The following PCDH7 variants were observed in gnomAD, a reference collection of about 807,000 sequenced individuals.
PCDH7 encodes the protein protocadherin-7.
PCDH7 carries 17 observed loss-of-function variants against 58.9 expected under a neutral mutation model. The observed-to-expected ratio is 0.29, with a 90% CI of 0.20 to 0.43. The LOEUF is 0.43. Among genes scored for constraint, PCDH7 ranks in the 20% least tolerant of loss-of-function variants. PCDH7 has a pLI of 1.00. For missense variants in PCDH7, 1,274 were observed against 1,441.0 expected (o/e 0.88, Z 1.88); for synonymous variants, 664 against 616.4 (o/e 1.08, Z -1.14).
intron 1 of PCDH7, among the ~76,000 whole-genome samples, chr4:30,888,308 T>C (rs1738131626): frequency 6.6e-6 from 1 of 151,958 alleles, no homozygotes; most frequent in Non-Finnish European, 1.5e-5. Flanking sequence ...ACACACAGAA[T>C]CTGATAAGCC....
At chr4:30,908,242 A>G (rs1382117543) in intron 1 of PCDH7, among the ~76,000 whole-genome samples, 1 of 96,334 alleles carries the variant, frequency 1.0e-5, no homozygotes, top group Non-Finnish European at 2.0e-5. Flanking sequence ...TTAAAGAATA[A>G]TAAAAAAAAA....
At chr4:30,916,140 G>C (rs897978694) in intron 1 of PCDH7, among the ~76,000 whole-genome samples, 1 of 152,200 alleles carries the variant, frequency 6.6e-6, no homozygotes, top group African/African-American at 2.4e-5. Context: ...TGGAGGTCTA[G>C]TGAATTAATG....
chr4:31,097,927 GA>G (rs1714367416), intron 3 of PCDH7, among the ~76,000 whole-genome samples: 1 of 151,866 alleles, frequency 6.6e-6, no homozygotes, highest in Non-Finnish European at 1.5e-5. Context: ...CCTTTCTAAG[GA>G]AATATTTACA....
intron 1 of PCDH7, among the ~76,000 whole-genome samples, chr4:30,844,905 CA>C (rs1209197192): frequency 3.3e-5 from 5 of 152,058 alleles, no homozygotes; most frequent in Admixed American, 2.6e-4. Context: ...AGCAATACAC[CA>C]GAAGTCTTTG....
intron 1 of PCDH7, among the ~76,000 whole-genome samples, chr4:30,888,254 C>G (rs1560470151): frequency 6.6e-6 from 1 of 151,462 alleles, no homozygotes; most frequent in East Asian, 1.9e-4. Context: ...ACTTTAGGCA[C>G]TTTCTATGAA....
At chr4:30,724,505 A>C in exon 1 of PCDH7, 5 of 1,614,170 alleles carry the variant, frequency 3.1e-6, no homozygotes, top group Non-Finnish European at 4.2e-6. Context: ...CCACCAGCCA[A>C]CACATTTGTG....
intron 1 of PCDH7, among the ~76,000 whole-genome samples, chr4:30,863,847 G>A (rs1203666571): frequency 6.6e-6 from 1 of 152,016 alleles, no homozygotes; most frequent in Non-Finnish European, 1.5e-5. Context: ...TGTGTATTCT[G>A]TGCAGAAATA....
intron 1 of PCDH7, among the ~76,000 whole-genome samples, chr4:30,778,906 A>G (rs1320718315): frequency 2.0e-5 from 3 of 149,212 alleles, no homozygotes; most frequent in African/African-American, 7.4e-5. Flanking sequence ...CTGCAATGTT[A>G]TATTGAACAT....
At chr4:31,074,901 T>C (rs1445739623) in intron 3 of PCDH7, among the ~76,000 whole-genome samples, 1 of 151,030 alleles carries the variant, frequency 6.6e-6, no homozygotes, top group African/African-American at 2.4e-5. Flanking sequence ...GGAAAATTAA[T>C]AGGAATTAGG....
chr4:30,965,933 T>C lies in PCDH7; in HGVS notation c.*7+15718T>C, dbSNP rs61792868. On this transcript the variant is annotated intron_variant, in intron 3 of 3. Transcript: ENST00000509759. ...TATCCGGACAGGATGGCCATTTTCA[T>C]CTAAAAGTATTTCTGCAGAGTGAAA... Among the ~76,000 whole-genome samples, 1,504 of 152,280 alleles carry C rather than the reference T, an allele frequency of 9.9e-3. 18 individuals are homozygous for C. Among genetic ancestry groups the C allele is most frequent in the Non-Finnish European group, 0.014 (952 of 67,986 alleles).
intron 1 of PCDH7, among the ~76,000 whole-genome samples, chr4:30,765,523 A>C (rs1720632407): frequency 6.6e-6 from 1 of 152,114 alleles, no homozygotes; most frequent in Admixed American, 6.6e-5. Context: ...TTGCACTTTC[A>C]TGGGGTTCTA....
intron 3 of PCDH7, among the ~76,000 whole-genome samples, chr4:30,982,638 T>C (rs145837352): frequency 1.3e-5 from 2 of 152,326 alleles, no homozygotes; most frequent in Admixed American, 6.5e-5. Flanking sequence ...TAACCCATTG[T>C]GTAATACATA....
At chr4:31,077,223 C>T (rs994815737) in intron 3 of PCDH7, among the ~76,000 whole-genome samples, 1 of 151,778 alleles carries the variant, frequency 6.6e-6, no homozygotes, top group Non-Finnish European at 1.5e-5. Context: ...CCAGCCTGAC[C>T]AACATGGAGA....
At chr4:31,027,712 C>T (rs953397856) in intron 3 of PCDH7, among the ~76,000 whole-genome samples, 1 of 152,136 alleles carries the variant, frequency 6.6e-6, no homozygotes, top group South Asian at 2.1e-4. Context: ...TGAGCTACTG[C>T]ACCCAGCCTG....
chr4:30,767,319 A>T (rs147740031), intron 1 of PCDH7, among the ~76,000 whole-genome samples: 58 of 152,312 alleles, frequency 3.8e-4, no homozygotes, highest in Non-Finnish European at 5.1e-4. Flanking sequence ...TTAATCTATG[A>T]TCTAATCGGA....
chr4:30,801,928 G>A (rs1725573524), intron 1 of PCDH7, among the ~76,000 whole-genome samples: 1 of 152,152 alleles, frequency 6.6e-6, no homozygotes, highest in South Asian at 2.1e-4. Flanking sequence ...TGTCCTGTTG[G>A]AGAAACTAGC....
At chr4:30,988,106 A>C (rs1751139922) in intron 3 of PCDH7, among the ~76,000 whole-genome samples, 1 of 152,194 alleles carries the variant, frequency 6.6e-6, no homozygotes, top group Admixed American at 6.5e-5. Flanking sequence ...ATTTGTAAAA[A>C]TTGTGTGTTT....
At chr4:31,072,481 A>G (rs1259399775) in intron 3 of PCDH7, among the ~76,000 whole-genome samples, 1 of 152,134 alleles carries the variant, frequency 6.6e-6, no homozygotes, top group Non-Finnish European at 1.5e-5. Context: ...CAATGTGAGC[A>G]TAAATACAGA....
chr4:30,944,889 T>C (rs1192033093), intron 2 of PCDH7, among the ~76,000 whole-genome samples: 1 of 152,176 alleles, frequency 6.6e-6, no homozygotes, highest in East Asian at 1.9e-4. Context: ...TATGCTATTG[T>C]GGTTATACAT....
Sources: allele counts gnomAD v4.1 joint callset (sites outside exome capture counted in the v4.1 genomes callset), GRCh38; gene constraint gnomAD v4.1.1; transcripts MANE v1.5; gene names NCBI Gene and HGNC (gene_info 2026-07-23, HGNC 2026-07-21).